The following TOM1 variants were observed in gnomAD, a reference collection of about 807,000 sequenced individuals.
TOM1 encodes the protein target of Myb protein 1.
A neutral mutation model predicts 61.3 loss-of-function variants in TOM1; 38 were observed. That is an observed-to-expected ratio of 0.62 (90% CI 0.48 to 0.81). The LOEUF (loss-of-function observed/expected upper bound fraction) is 0.81, where lower values mean the gene tolerates loss of function less well. Ranked by LOEUF, TOM1 falls within the 40% of genes least tolerant of loss-of-function variation. The pLI is 0.00. For synonymous variants in TOM1, 270 were observed against 268.8 expected, an observed-to-expected ratio of 1.00 and a Z score of -0.04; for missense variants, 591 against 659.6, an observed-to-expected ratio of 0.90 and a Z score of 1.14.
At chr22:35,337,373 C>T (rs1929446760) in intron 11 of TOM1, among the ~76,000 whole-genome samples, 1 of 152,204 alleles carries the variant, frequency 6.6e-6, no homozygotes. Flanking sequence ...AGCAGGCCTT[C>T]TCTGGGTCAG....
chr22:35,327,505 T>A, intron 7 of TOM1, 118 bp downstream of exon 7: 1 of 715,654 alleles, frequency 1.4e-6, no homozygotes, highest in South Asian at 1.7e-5. Context: ...TTGGTCACAG[T>A]TGGGGACATG....
intron 8 of TOM1, chr22:35,331,229 G>A (rs1286387552): frequency 1.4e-5 from 6 of 415,874 alleles, no homozygotes; most frequent in African/African-American, 2.1e-5. Flanking sequence ...CCAGGTAGCC[G>A]GGACTACAGG....
chr22:35,333,531 A>G, intron 10 of TOM1, 34 bp downstream of exon 10: 1 of 1,595,666 alleles, frequency 6.3e-7, no homozygotes. Flanking sequence ...AGCTGAGGGT[A>G]CATTATGGTA....
chr22:35,347,396 A>T lies in TOM1; in HGVS notation c.*187A>T. 3.5e-6 allele frequency: 2 copies of T among 572,450 alleles called. No individual in the cohort carries two copies. Among genetic ancestry groups the T allele is most frequent in the South Asian group, 5.3e-5 (2 of 37,850 alleles). The allele number at this position is 572,450 out of a possible 1,614,324, so 35.5% of individuals were successfully genotyped here. On this transcript the variant is annotated 3_prime_UTR_variant, in exon 15 of 15. Coordinates refer to ENST00000449058, the MANE Select transcript of TOM1 (RefSeq NM_005488.3). The stretch of plus-strand genomic sequence containing the variant: ...TGGAGGCAGTGGGATGAACTGGGGG[A>T]CAGGTCTGCGCTGCAGTGGGATCTG...
intron 12 of TOM1, among the ~76,000 whole-genome samples, chr22:35,341,181 G>T (rs1929848105): frequency 6.6e-6 from 1 of 152,202 alleles, no homozygotes; most frequent in South Asian, 2.1e-4. Flanking sequence ...AACCCTTAGG[G>T]TATGTTATTA....
At chr22:35,307,881 C>A (rs1214737710) in intron 1 of TOM1, among the ~76,000 whole-genome samples, 1 of 152,168 alleles carries the variant, frequency 6.6e-6, no homozygotes, top group Non-Finnish European at 1.5e-5. Flanking sequence ...CTTGGCTAGG[C>A]CAGGGGAGAA....
intron 6 of TOM1, 110 bp from the exon 7 acceptor site, chr22:35,327,161 T>C (rs1601693818): frequency 2.0e-6 from 2 of 1,024,644 alleles, no homozygotes; most frequent in African/African-American, 1.6e-5. Context: ...TGCTGGGAGG[T>C]CGGCTCCCTG....
intron 1 of TOM1, among the ~76,000 whole-genome samples, chr22:35,304,981 C>T (rs1926188556): frequency 6.6e-6 from 1 of 152,130 alleles, no homozygotes; most frequent in Non-Finnish European, 1.5e-5. Context: ...GAGAAGAGCC[C>T]AGAGCCTGAA....
intron 1 of TOM1, among the ~76,000 whole-genome samples, chr22:35,315,339 T>C (rs1927185705): frequency 6.6e-6 from 1 of 152,134 alleles, no homozygotes; most frequent in African/African-American, 2.4e-5. Flanking sequence ...AGATGTGGCC[T>C]GTGGCAGAGG....
intron 9 of TOM1, 28 bp from the exon 10 acceptor site, chr22:35,333,376 A>T: frequency 6.2e-7 from 1 of 1,603,768 alleles, no homozygotes; most frequent in Middle Eastern, 1.8e-4. Context: ...GACAGCGGGG[A>T]TGATCAGGGC....
At chr22:35,301,791 C>T (rs1925819771) in intron 1 of TOM1, among the ~76,000 whole-genome samples, 1 of 115,216 alleles carries the variant, frequency 8.7e-6, no homozygotes, top group Admixed American at 9.1e-5. Flanking sequence ...ACTGCCCTCT[C>T]AAAGGACCCC....
chr22:35,330,081 C>T (rs779296524), intron 7 of TOM1, among the ~76,000 whole-genome samples: 1 of 151,930 alleles, frequency 6.6e-6, no homozygotes. Flanking sequence ...AGATCGAGAC[C>T]ACCCTGGCTA....
intron 8 of TOM1, among the ~76,000 whole-genome samples, chr22:35,330,980 G>C (rs934084039): frequency 6.6e-6 from 1 of 152,168 alleles, no homozygotes; most frequent in Non-Finnish European, 1.5e-5. Flanking sequence ...AAGAAAGATG[G>C]ATCCCAGGGC....
intron 3 of TOM1, chr22:35,322,512 T>A (rs796295620): frequency 1.1e-5 from 2 of 187,684 alleles, no homozygotes; most frequent in African/African-American, 4.7e-5. Context: ...GCCGTCAGCA[T>A]GGGTTTGGCT....
rs554778428 is a variant in TOM1 at position 35,330,130 on chromosome 22, A to T, written c.766-217A>T. Reference sequence around the variant, plus strand: ...CCGTCTCTACTAAAACTACAAAAAAAAAAATTAGCCAGGCGTGGTGGCAGA... The same window carrying T: ...CCGTCTCTACTAAAACTACAAAAAATAAAATTAGCCAGGCGTGGTGGCAGA... On this transcript the variant is annotated intron_variant, in intron 7 of 14. Transcript: ENST00000449058. Among the ~76,000 whole-genome samples the T allele has an allele frequency of 1.2e-4, 19 of 152,124 alleles. No homozygotes were observed. The South Asian group carries it at 4.0e-3, about 32-fold the overall frequency.
chr22:35,328,306 G>A (rs547030833), intron 7 of TOM1, among the ~76,000 whole-genome samples: 166 of 152,342 alleles, frequency 1.1e-3, no homozygotes, highest in Non-Finnish European at 2.1e-3. Flanking sequence ...CCAAGCCAAG[G>A]CCATGAGATG....
chr22:35,345,664 G>A, intron 12 of TOM1, 61 bp from the exon 13 acceptor site: 1 of 1,569,756 alleles, frequency 6.4e-7, no homozygotes, highest in Non-Finnish European at 8.8e-7. Flanking sequence ...AGGGTGCTGA[G>A]CTGGCACGTC....
At chr22:35,301,733 G>A (rs183206376) in intron 1 of TOM1, among the ~76,000 whole-genome samples, 2 of 152,194 alleles carry the variant, frequency 1.3e-5, no homozygotes, top group East Asian at 3.9e-4. Flanking sequence ...AGGGGGAGGT[G>A]GCAGTCCAGG....
rs1928002447 is a variant in TOM1, at chr22:35,323,346, C to G, written c.367-150C>G. 7.4e-7 allele frequency: 1 copy of G among 1,353,804 alleles called. No homozygotes were observed. Among genetic ancestry groups the G allele is most frequent in the East Asian group, 2.3e-5 (1 of 43,366 alleles). 83.9% of individuals were successfully genotyped at this position (1,353,804 alleles called of 1,614,324 possible). ...TTCTGTGGGGAGGGAGGCTTGCCAA[C>G]TGCGTGCTTTGCTGTGGAGTGGGCA... On this transcript the variant is annotated intron_variant, in intron 4 of 14. Coordinates refer to ENST00000449058, the MANE Select transcript of TOM1 (RefSeq NM_005488.3). This position sits in a 1 kb window ranked among gnomAD's most constrained non-coding sequence, Gnocchi z 4.2.
Sources: gnomAD v4.1 joint callset for allele counts (sites outside exome capture counted in the v4.1 genomes callset) on GRCh38, gnomAD v4.1.1 for gene constraint, Gnocchi (gnomAD v3.1) non-coding constraint, MANE v1.5 for transcripts, NCBI Gene and HGNC (gene_info 2026-07-23, HGNC 2026-07-21) for gene names.